The following INPP4B variants were observed in gnomAD, a reference collection of about 807,000 sequenced individuals.
The protein encoded by INPP4B is inositol polyphosphate-4-phosphatase type II B, also known as inositol polyphosphate 4-phosphatase type II.
A neutral mutation model predicts 122.5 loss-of-function variants in INPP4B; 55 were observed. The ratio of observed to expected loss-of-function variants is 0.45; its 90% confidence interval spans 0.36 to 0.56. The LOEUF (loss-of-function observed/expected upper bound fraction) is 0.56. Among genes scored for constraint, INPP4B ranks in the 20% least tolerant of loss-of-function variants. INPP4B has a pLI of 0.00. For synonymous variants in INPP4B, 403 were observed against 388.7 expected (o/e 1.04, Z -0.43); for missense variants, 1,000 against 1,097.7 (o/e 0.91, Z 1.26).
At position 142,024,263 on chromosome 4, in the gene INPP4B, T is replaced by C. The variant is rs1736339207; in HGVS notation, c.*4519A>G. 6.6e-6 allele frequency: 1 copy of C among 152,162 alleles called. No individual in the cohort carries two copies. Among genetic ancestry groups the C allele is most frequent in the Non-Finnish European group, 1.5e-5 (1 of 68,024 alleles). The allele number at this position is 152,162 out of a possible 1,614,324, so 9.4% of individuals were successfully genotyped here. Reference sequence around the variant, plus strand: ...CCAAAGCAACAAAAGATATAATATATTGGGACTTTATAAGCTAAGAAACAT... The same window carrying C: ...CCAAAGCAACAAAAGATATAATATACTGGGACTTTATAAGCTAAGAAACAT... On this transcript the variant is annotated 3_prime_UTR_variant, in exon 26 of 26. Transcript: ENST00000262992.
chr4:142,784,354 C>T (rs1775390922), intron 1 of INPP4B, among the ~76,000 whole-genome samples: 1 of 144,686 alleles, frequency 6.9e-6, no homozygotes, highest in South Asian at 2.2e-4. Flanking sequence ...TAGAGAGAAA[C>T]TCTGTCTCAA....
chr4:142,188,309 A>T (rs1033888017), intron 15 of INPP4B, among the ~76,000 whole-genome samples: 3 of 151,406 alleles, frequency 2.0e-5, no homozygotes, highest in Non-Finnish European at 4.4e-5. Context: ...AACACGGTGA[A>T]ACCCTGGCTC....
chr4:142,819,786 G>A (rs1450457913), intron 1 of INPP4B, among the ~76,000 whole-genome samples: 4 of 151,932 alleles, frequency 2.6e-5, no homozygotes, highest in Middle Eastern at 3.4e-3. Flanking sequence ...ACACACACAC[G>A]CGCACACACA....
chr4:142,537,400 G>GTATATATATATATATATATATA (rs34425745), intron 2 of INPP4B, among the ~76,000 whole-genome samples: 8 of 32,990 alleles, frequency 2.4e-4, no homozygotes, highest in Non-Finnish European at 2.9e-4. Flanking sequence ...TTTACATACA[G>GTATATATATATATATATATATA]TATATATATA....
intron 1 of INPP4B, among the ~76,000 whole-genome samples, chr4:142,780,697 G>C (rs1260125732): frequency 6.6e-6 from 1 of 152,126 alleles, no homozygotes; most frequent in Non-Finnish European, 1.5e-5. Context: ...TACTCGGGAG[G>C]TTGAGGCAGA....
Position 142,314,751 on chromosome 4 carries a change from A to G in INPP4B, c.384T>C (p.Ser128=). The change falls in exon 8 of 26, where the codon AGT becomes AGC. Residue 128 remains serine, a synonymous_variant. Coordinates refer to ENST00000262992, the MANE Select transcript of INPP4B (RefSeq NM_001101669.3). ...GGGGATCCTTATGTTCTGGTAGGAC[A>G]CTGGTTCGAACCTGTGGAGAAAAAC... The part of the protein sequence containing the change: ...KDKSHDTVRT[S]VLPEHKDPPP... The G allele has an allele frequency of 6.3e-7, 1 of 1,597,348 alleles. No individual in the cohort carries two copies. Among genetic ancestry groups the G allele is most frequent in the Non-Finnish European group, 8.5e-7 (1 of 1,173,624 alleles).
At chr4:142,757,124 C>T (rs1444135786) in intron 1 of INPP4B, among the ~76,000 whole-genome samples, 1 of 152,002 alleles carries the variant, frequency 6.6e-6, no homozygotes. Flanking sequence ...ATTTTTAGAG[C>T]AGTTTTATGT....
chr4:142,738,170 C>A (rs755166304), intron 1 of INPP4B, among the ~76,000 whole-genome samples: 3 of 151,930 alleles, frequency 2.0e-5, no homozygotes, highest in East Asian at 1.9e-4. Flanking sequence ...GTATGTTTAC[C>A]GCAGCACTAT....
intron 2 of INPP4B, among the ~76,000 whole-genome samples, chr4:142,633,016 T>C (rs765867389): frequency 6.6e-6 from 1 of 151,628 alleles, no homozygotes; most frequent in African/African-American, 2.4e-5. Flanking sequence ...ACATGTAAAC[T>C]ATATGGACAA....
At chr4:142,560,355 A>G (rs58078405) in intron 2 of INPP4B, 1 of 152,094 alleles carries the variant, frequency 6.6e-6, no homozygotes, top group African/African-American at 2.4e-5. Context: ...CTGAAAGCTC[A>G]CAAATACTAC....
At chr4:142,363,450 C>A (rs1786251228) in intron 7 of INPP4B, among the ~76,000 whole-genome samples, 1 of 151,714 alleles carries the variant, frequency 6.6e-6, no homozygotes, top group South Asian at 2.1e-4. Flanking sequence ...TATATGTATG[C>A]TCAGATACAT....
At chr4:142,312,003 C>G (rs771211643) in intron 8 of INPP4B, among the ~76,000 whole-genome samples, 3 of 152,126 alleles carry the variant, frequency 2.0e-5, no homozygotes, top group Non-Finnish European at 4.4e-5. Flanking sequence ...GAAAAACAAA[C>G]CCATTCATTA....
intron 9 of INPP4B, among the ~76,000 whole-genome samples, chr4:142,295,147 C>T (rs1449763211): frequency 6.6e-6 from 1 of 152,090 alleles, no homozygotes; most frequent in Non-Finnish European, 1.5e-5. Context: ...GAGCTAAGTT[C>T]AGTTTGGGGT....
At chr4:142,724,072 TG>T (rs1561000457) in intron 2 of INPP4B, among the ~76,000 whole-genome samples, 1 of 152,172 alleles carries the variant, frequency 6.6e-6, no homozygotes, top group Admixed American at 6.5e-5. Flanking sequence ...AATGATTCCT[TG>T]ATTCCTTTAT....
chr4:142,572,226 A>G (rs1039931011), intron 2 of INPP4B, among the ~76,000 whole-genome samples: 2 of 152,172 alleles, frequency 1.3e-5, no homozygotes, highest in Non-Finnish European at 2.9e-5. Context: ...CTCAACAGCT[A>G]AAGTGCAAGG....
chr4:142,539,373 C>A (rs1156575268), intron 2 of INPP4B, among the ~76,000 whole-genome samples: 8 of 151,970 alleles, frequency 5.3e-5, no homozygotes, highest in Non-Finnish European at 1.0e-4. Flanking sequence ...ACCAACCCAT[C>A]AATTAGGTTA....
chr4:142,632,623 A>G (rs944270379), intron 2 of INPP4B, among the ~76,000 whole-genome samples: 22 of 152,146 alleles, frequency 1.4e-4, no homozygotes, highest in African/African-American at 5.3e-4. Flanking sequence ...ATAAAATACA[A>G]ATAATAACTT....
chr4:142,304,671 A>G (rs934840966), intron 9 of INPP4B, among the ~76,000 whole-genome samples: 4 of 152,132 alleles, frequency 2.6e-5, no homozygotes, highest in Non-Finnish European at 5.9e-5. Context: ...TTTCATCAAA[A>G]TAAGAGAGTC....
At chr4:142,103,018 C>T (rs987045475) in intron 23 of INPP4B, among the ~76,000 whole-genome samples, 1 of 152,072 alleles carries the variant, frequency 6.6e-6, no homozygotes, top group Admixed American at 6.6e-5. Context: ...GAGTAGCTTT[C>T]ACCACTCTGT....
Sources: gnomAD v4.1 joint callset for allele counts (sites outside exome capture counted in the v4.1 genomes callset) on GRCh38, gnomAD v4.1.1 for gene constraint, MANE v1.5 for transcripts, NCBI Gene and HGNC (gene_info 2026-07-23, HGNC 2026-07-21) for gene names.